Variants in FCHSD2 observed in about 807,000 individuals in gnomAD.
FCHSD2 encodes the protein FCH and double SH3 domains 2.
A neutral mutation model predicts 108.1 loss-of-function variants in FCHSD2; 38 were observed. The ratio of observed to expected loss-of-function variants is 0.35; its 90% CI spans 0.27 to 0.46. The LOEUF is 0.46. FCHSD2 is among the 20% of genes least tolerant of loss of function. The pLI, the probability that FCHSD2 is intolerant of heterozygous loss-of-function variation, is 1.00. For missense variants in FCHSD2, 751 were observed against 897.8 expected, an observed-to-expected ratio of 0.84 and a Z score of 2.09; for synonymous variants, 279 against 314.7, an observed-to-expected ratio of 0.89 and a Z score of 1.20.
intron 3 of FCHSD2, among the ~76,000 whole-genome samples, chr11:73,068,341 A>AGGGTG (rs1237439338): frequency 1.1e-3 from 2 of 1,838 alleles, no homozygotes; most frequent in African/African-American, 3.9e-3. Context: ...TGGTGGAGGG[A>AGGGTG]GGGTGGGGTA....
chr11:72,868,144 T>C (rs1854771073), intron 12 of FCHSD2, 118 bp from the exon 13 acceptor site: 8 of 875,936 alleles, frequency 9.1e-6, no homozygotes, highest in Middle Eastern at 6.8e-4. Flanking sequence ...GTGGTACATA[T>C]ACACCATGGA....
At chr11:73,045,546 A>C (rs550331048) in intron 3 of FCHSD2, among the ~76,000 whole-genome samples, 6 of 151,622 alleles carry the variant, frequency 4.0e-5, no homozygotes, top group Non-Finnish European at 8.8e-5. Context: ...AGAATGGATT[A>C]AGAAAATGTG....
chr11:73,083,637 G>T, intron 3 of FCHSD2, 58 bp downstream of exon 3: 3 of 1,065,914 alleles, frequency 2.8e-6, no homozygotes, highest in Non-Finnish European at 4.2e-6. Flanking sequence ...AACCATCTCT[G>T]TCCTTAAGCC....
At chr11:72,997,345 C>G (rs118071307) in intron 5 of FCHSD2, among the ~76,000 whole-genome samples, 1 of 152,078 alleles carries the variant, frequency 6.6e-6, no homozygotes, top group Non-Finnish European at 1.5e-5. Flanking sequence ...ACCAGAGATC[C>G]TAACAGAATC....
chr11:73,080,243 G>A (rs1485342065), intron 3 of FCHSD2, among the ~76,000 whole-genome samples: 2 of 141,066 alleles, frequency 1.4e-5, no homozygotes, highest in African/African-American at 5.4e-5. Context: ...ATTACACTAA[G>A]CTATGATTGT....
chr11:72,919,654 G>A (rs546667366), intron 9 of FCHSD2, among the ~76,000 whole-genome samples: 8 of 152,136 alleles, frequency 5.3e-5, no homozygotes, highest in East Asian at 1.9e-4. Context: ...TATCTGTTAC[G>A]ACTATAATGT....
intron 2 of FCHSD2, among the ~76,000 whole-genome samples, chr11:73,124,663 G>A (rs573758241): frequency 6.6e-6 from 1 of 152,154 alleles, no homozygotes; most frequent in South Asian, 2.1e-4. Flanking sequence ...GGCTGAGGCA[G>A]GAGAATCACT....
intron 8 of FCHSD2, among the ~76,000 whole-genome samples, chr11:72,977,221 C>T (rs1023786176): frequency 6.6e-6 from 1 of 152,060 alleles, no homozygotes; most frequent in Non-Finnish European, 1.5e-5. Context: ...TACACCCAGC[C>T]CAAAACTATT....
chr11:73,124,558 C>T (rs1591573757), intron 2 of FCHSD2, among the ~76,000 whole-genome samples: 1 of 152,050 alleles, frequency 6.6e-6, no homozygotes, highest in African/African-American at 2.4e-5. Context: ...GAGTTCGAGA[C>T]CAGCCTGGCC....
At chr11:73,067,629 T>C (rs544236272) in intron 3 of FCHSD2, among the ~76,000 whole-genome samples, 1 of 152,134 alleles carries the variant, frequency 6.6e-6, no homozygotes, top group South Asian at 2.1e-4. Context: ...GGTTCTACAT[T>C]AAAGACTTAG....
At chr11:73,101,126 T>G (rs1860214977) in intron 2 of FCHSD2, among the ~76,000 whole-genome samples, 1 of 152,154 alleles carries the variant, frequency 6.6e-6, no homozygotes, top group South Asian at 2.1e-4. Context: ...AGCAAACATC[T>G]GAGATAATTG....
At chr11:72,841,022 G>T in intron 18 of FCHSD2, 63 bp from the exon 19 acceptor site, 2 of 1,247,702 alleles carry the variant, frequency 1.6e-6, no homozygotes, top group Non-Finnish European at 2.3e-6. Context: ...GCTGATGCAA[G>T]GCTGGCATGG....
intron 2 of FCHSD2, among the ~76,000 whole-genome samples, chr11:73,101,609 G>T (rs973150859): frequency 2.6e-4 from 40 of 151,892 alleles, no homozygotes; most frequent in Non-Finnish European, 2.9e-5. Flanking sequence ...GCTAATTTTT[G>T]TATTTTTTGT....
chr11:72,844,916 C>A (rs887207203), intron 14 of FCHSD2, among the ~76,000 whole-genome samples: 1 of 152,072 alleles, frequency 6.6e-6, no homozygotes, highest in Non-Finnish European at 1.5e-5. Flanking sequence ...GGAAAAAACC[C>A]CACTCATTTA....
chr11:72,843,099 AC>A (rs1427414246), intron 16 of FCHSD2, 51 bp downstream of exon 16: 4 of 1,563,118 alleles, frequency 2.6e-6, no homozygotes, highest in Non-Finnish European at 3.5e-6. Flanking sequence ...CCAGGGCAAT[AC>A]AGTTTAGGTC....
intron 2 of FCHSD2, among the ~76,000 whole-genome samples, chr11:73,096,680 A>G (rs1454939672): frequency 6.6e-6 from 1 of 152,104 alleles, no homozygotes; most frequent in African/African-American, 2.4e-5. Context: ...ACTTATAGGG[A>G]AAGTGTTCAG....
chr11:72,852,593 G>C (rs1008223440), intron 13 of FCHSD2, among the ~76,000 whole-genome samples: 1 of 152,080 alleles, frequency 6.6e-6, no homozygotes, highest in Non-Finnish European at 1.5e-5. Flanking sequence ...GAACCTGGGA[G>C]GTGAAGGTTG....
chr11:72,870,266 T>G (rs1854824734), intron 12 of FCHSD2, among the ~76,000 whole-genome samples: 1 of 152,206 alleles, frequency 6.6e-6, no homozygotes, highest in Non-Finnish European at 1.5e-5. Context: ...AATTACAATG[T>G]GATAGGCACG....
intron 2 of FCHSD2, 46 bp from the exon 3 acceptor site, chr11:73,083,786 AT>A: frequency 8.2e-7 from 1 of 1,222,404 alleles, no homozygotes; most frequent in Non-Finnish European, 1.2e-6. Flanking sequence ...TAACTTAATA[AT>A]TTAATGTAAA....
Sources: allele counts gnomAD v4.1 joint callset (sites outside exome capture counted in the v4.1 genomes callset), GRCh38; gene constraint gnomAD v4.1.1; transcripts MANE v1.5; gene names NCBI Gene and HGNC (gene_info 2026-07-23, HGNC 2026-07-21).